The following FBXO34 variants were observed in gnomAD, a reference collection of about 807,000 sequenced individuals.
FBXO34 encodes the protein F-box only protein 34.
Under a neutral mutation model 24.5 loss-of-function variants are expected in FBXO34, and 12 were observed. The observed-to-expected ratio is 0.49, with a 90% CI of 0.31 to 0.79. The LOEUF is 0.79. Among genes scored for constraint, FBXO34 ranks in the 30% least tolerant of loss-of-function variants. The pLI is 0.04. For missense variants in FBXO34, 823 were observed against 857.7 expected (o/e 0.96, Z 0.51); for synonymous variants, 320 against 311.9 (o/e 1.03, Z -0.27).
downstream of FBXO34, among the ~76,000 whole-genome samples, chr14:55,371,486 G>T (rs1482263576): frequency 6.6e-6 from 1 of 152,158 alleles, no homozygotes; most frequent in Admixed American, 6.5e-5. Flanking sequence ...TTCCCACTTG[G>T]TCTCCAGTGA....
At chr14:55,322,828 A>G (rs1232188101) in intron 1 of FBXO34, among the ~76,000 whole-genome samples, 2 of 151,872 alleles carry the variant, frequency 1.3e-5, no homozygotes, top group Non-Finnish European at 1.5e-5. Flanking sequence ...CATATTTGAC[A>G]GTGTTGGATT....
chr14:55,409,525 A>C, the FBXO34 span, among the ~76,000 whole-genome samples: 1 of 151,990 alleles, frequency 6.6e-6, no homozygotes, highest in South Asian at 2.1e-4. Context: ...ATTTTAATAG[A>C]AGGATCAGAA....
chr14:55,272,621 T>C (rs1025796988), intron 1 of FBXO34, among the ~76,000 whole-genome samples: 4 of 151,906 alleles, frequency 2.6e-5, no homozygotes, highest in Non-Finnish European at 5.9e-5. Flanking sequence ...TACATGATTT[T>C]TTTTTTCTGT....
chr14:55,405,674 T>C, the FBXO34 span, among the ~76,000 whole-genome samples: 81 of 152,366 alleles, frequency 5.3e-4, no homozygotes, highest in Non-Finnish European at 9.1e-4. Context: ...GTAGCAGTGC[T>C]ATTTCTGGTG....
downstream of FBXO34, among the ~76,000 whole-genome samples, chr14:55,363,147 T>C (rs1301499683): frequency 6.6e-6 from 1 of 150,436 alleles, no homozygotes; most frequent in African/African-American, 2.5e-5. Context: ...GTCAGACTCC[T>C]GAGTAGTTGG....
the FBXO34 span, chr14:55,414,113 C>T: frequency 1.8e-6 from 1 of 558,874 alleles, no homozygotes; most frequent in South Asian, 1.5e-5. Flanking sequence ...CGCATTGAGT[C>T]TTCATGATGC....
At chr14:55,285,753 A>G (rs974693373) in intron 1 of FBXO34, among the ~76,000 whole-genome samples, 1 of 152,220 alleles carries the variant, frequency 6.6e-6, no homozygotes, top group Non-Finnish European at 1.5e-5. Context: ...AGGTGTTTCA[A>G]GTGTTCCTTT....
chr14:55,381,588 T>C, the FBXO34 span, among the ~76,000 whole-genome samples: 2 of 152,250 alleles, frequency 1.3e-5, no homozygotes, highest in African/African-American at 2.4e-5. Flanking sequence ...GAAACACTAA[T>C]ATATACTATC....
intron 1 of FBXO34, among the ~76,000 whole-genome samples, chr14:55,308,204 A>G (rs1882618961): frequency 6.6e-6 from 1 of 152,242 alleles, no homozygotes; most frequent in Non-Finnish European, 1.5e-5. Flanking sequence ...GCAGGCATAT[A>G]TTTTATTACA....
At chr14:55,307,346 C>G (rs572755486) in intron 1 of FBXO34, among the ~76,000 whole-genome samples, 1 of 152,188 alleles carries the variant, frequency 6.6e-6, no homozygotes, top group Non-Finnish European at 1.5e-5. Context: ...CAACTTTAAG[C>G]GGACCTCTTT....
the FBXO34 span, among the ~76,000 whole-genome samples, chr14:55,411,423 C>T: frequency 6.6e-6 from 1 of 152,230 alleles, no homozygotes; most frequent in South Asian, 2.1e-4. Context: ...CCTCATCTGG[C>T]CCCTACGCTG....
intron 1 of FBXO34, among the ~76,000 whole-genome samples, chr14:55,322,348 C>T (rs1883167844): frequency 6.6e-6 from 1 of 150,566 alleles, no homozygotes; most frequent in Non-Finnish European, 1.5e-5. Context: ...GCAACAACAA[C>T]AACAAAAAAA....
the FBXO34 span, chr14:55,440,438 C>T: frequency 8.2e-5 from 133 of 1,612,956 alleles, no homozygotes; most frequent in South Asian, 9.9e-5. Flanking sequence ...GGTAGGTCTC[C>T]TCCTGCTCCA....
Position 55,350,615 on chromosome 14 carries a change from G to A in FBXO34, c.225G>A (p.Gly75=). ...LSPNVLCSMS[G]KSPVESSLNV... ...CAAATGTTCTGTGCAGTATGAGTGG[G>A]AAGAGTCCTGTAGAGAGCAGCTTGA... The change falls in exon 2 of 2, where the codon GGG becomes GGA. Residue 75 remains glycine, a synonymous_variant. Transcript: ENST00000313833. The A allele has an allele frequency of 6.2e-7, 1 of 1,613,008 alleles. No homozygotes were observed. Among genetic ancestry groups the A allele is most frequent in the Non-Finnish European group, 8.5e-7 (1 of 1,179,686 alleles).
chr14:55,318,787 C>T (rs1883029025), intron 1 of FBXO34, among the ~76,000 whole-genome samples: 1 of 152,058 alleles, frequency 6.6e-6, no homozygotes, highest in Non-Finnish European at 1.5e-5. Context: ...GTCTCTAATT[C>T]TTCAGCAATT....
chr14:55,371,219 C>G (rs1884809773), downstream of FBXO34, among the ~76,000 whole-genome samples: 2 of 152,164 alleles, frequency 1.3e-5, no homozygotes, highest in South Asian at 4.1e-4. Context: ...AAATGAGAGC[C>G]TAGAATCGTA....
chr14:55,343,586 A>G (rs1295875758), intron 1 of FBXO34, among the ~76,000 whole-genome samples: 2 of 152,124 alleles, frequency 1.3e-5, no homozygotes, highest in Admixed American at 6.5e-5. Context: ...AGTGGCTCTT[A>G]TGCTAATAAG....
the FBXO34 span, among the ~76,000 whole-genome samples, chr14:55,442,597 A>C: frequency 2.0e-5 from 3 of 152,202 alleles, no homozygotes; most frequent in African/African-American, 7.2e-5. Context: ...CTAAGAATCA[A>C]ATCACAACAA....
chr14:55,393,175 A>T, the FBXO34 span, among the ~76,000 whole-genome samples: 1 of 152,064 alleles, frequency 6.6e-6, no homozygotes, highest in Non-Finnish European at 1.5e-5. Context: ...AGGTCAGGAG[A>T]TTGAGACCAT....
Sources: allele counts gnomAD v4.1 joint callset (sites outside exome capture counted in the v4.1 genomes callset), GRCh38; gene constraint gnomAD v4.1.1; transcripts MANE v1.5; gene names NCBI Gene and HGNC (gene_info 2026-07-23, HGNC 2026-07-21).